WEE1: variants seen among roughly 807,000 people sequenced by gnomAD.
WEE1 encodes WEE1 G2 checkpoint kinase.
Under a neutral mutation model 68.8 loss-of-function variants are expected in WEE1, and 16 were observed. That is an observed-to-expected ratio of 0.23 (90% CI 0.16 to 0.35). The LOEUF (loss-of-function observed/expected upper bound fraction) is 0.35, where lower values mean the gene tolerates loss of function less well. Ranked by LOEUF, WEE1 falls within the 10% of genes least tolerant of loss-of-function variation. WEE1 has a pLI of 1.00. For synonymous variants in WEE1, 349 were observed against 318.7 expected (o/e 1.09, Z -1.01); for missense variants, 651 against 824.1 (o/e 0.79, Z 2.57).
At chr11:9,584,307 A>AT (rs1488176728) in intron 6 of WEE1, among the ~76,000 whole-genome samples, 1 of 151,854 alleles carries the variant, frequency 6.6e-6, no homozygotes, top group Admixed American at 6.6e-5. Flanking sequence ...AGCTATTTTA[A>AT]TTTTTTTCTT....
At chr11:9,577,033 C>A in intron 4 of WEE1, 109 bp from the exon 5 acceptor site, 1 of 1,272,784 alleles carries the variant, frequency 7.9e-7, no homozygotes, top group Non-Finnish European at 1.1e-6. Flanking sequence ...TGCTTTTTAG[C>A]ATAACAATAG....
rs1421847458 is a variant in WEE1, at chr11:9,574,203, G to C, written c.270G>C (p.Glu90Asp). The C allele has an allele frequency of 3.6e-5, 43 of 1,179,480 alleles. No individual in the cohort carries two copies. The highest frequency in any genetic ancestry group is 4.4e-5 in the Non-Finnish European group (42 of 954,658). The allele number at this position is 1,179,480 out of a possible 1,614,324, so 73.1% of individuals were successfully genotyped here. Reference sequence around the variant, plus strand: ...CCCCCGGCAGCCCCGGCGAGCTGGAGGAGGACCTGTTGCTGCCCGGCGCCT... The same window carrying C: ...CCCCCGGCAGCCCCGGCGAGCTGGACGAGGACCTGTTGCTGCCCGGCGCCT... ...GPAPGSPGEL[E>D]EDLLLPGACP... The change falls in exon 1 of 11, where the codon GAG (glutamate) becomes GAC (aspartate). Residue 90 changes from glutamate to aspartate, a missense_variant. Transcript: ENST00000450114. The surrounding 1 kb of genome is among the most constrained non-coding windows in gnomAD (Gnocchi z 4.9).
chr11:9,581,169 G>A, intron 5 of WEE1: 1 of 189,880 alleles, frequency 5.3e-6, no homozygotes, highest in Non-Finnish European at 1.1e-5. Context: ...GATCAAGCCT[G>A]TGAATAGCCA....
At position 9,585,431 on chromosome 11, in the gene WEE1, A is replaced by C; in HGVS notation, c.1385-11A>C. On this transcript the variant is annotated splice_polypyrimidine_tract_variant and intron_variant, in intron 7 of 10. Coordinates refer to ENST00000450114, the MANE Select transcript of WEE1 (RefSeq NM_003390.4). ...TTTTGCTCTTCACTGTAAGTTTTTC[A>C]ATACTTCTAGGTGATCTTGGGCATG... 6.2e-7 allele frequency: 1 copy of C among 1,609,216 alleles called. No individual in the cohort carries two copies. Among genetic ancestry groups the C allele is most frequent in the Non-Finnish European group, 8.5e-7 (1 of 1,178,332 alleles).
At chr11:9,577,718 T>C (rs141696145) in intron 5 of WEE1, 9 of 325,488 alleles carry the variant, frequency 2.8e-5, no homozygotes, top group African/African-American at 1.8e-4. Context: ...AAGCATTCTG[T>C]AGTCCGGCCC....
At chr11:9,583,802 C>CACACACAT (rs1295357946) in intron 6 of WEE1, among the ~76,000 whole-genome samples, 5 of 17,800 alleles carry the variant, frequency 2.8e-4, no homozygotes, top group Non-Finnish European at 5.0e-4. Context: ...CACACACACA[C>CACACACAT]ATATATATAT....
In WEE1 at chr11:9,576,742, A is replaced by ACTT; in HGVS notation, c.1019+83_1019+84insCTT. ...AAGGTTTCAGCTGGTCAAACACTGA[A>ACTT]TTCCATCTCTAACTTTTGAGAAGCT... On this transcript the variant is annotated intron_variant, in intron 4 of 10. Transcript: ENST00000450114. The surrounding 1 kb of genome is among the most constrained non-coding windows in gnomAD (Gnocchi z 4.3). The ACTT allele has an allele frequency of 7.2e-7, 1 of 1,388,624 alleles. No homozygotes were observed. Among genetic ancestry groups the ACTT allele is most frequent in the East Asian group, 2.3e-5 (1 of 42,950 alleles). 86.0% of individuals were successfully genotyped at this position (1,388,624 alleles called of 1,614,324 possible). A position where few individuals can be genotyped will look rare whatever the true frequency, so the allele number is the denominator to read the frequency against.
At chr11:9,582,297 C>T (rs2134349527) in intron 6 of WEE1, among the ~76,000 whole-genome samples, 1 of 152,342 alleles carries the variant, frequency 6.6e-6, no homozygotes, top group Admixed American at 6.5e-5. Flanking sequence ...ATACACTTAT[C>T]TTGCAAGCTA....
rs150127351 is a variant in WEE1 at position 9,576,084 on chromosome 11, A to G, written c.773A>G (p.Tyr258Cys). 6.2e-7 allele frequency: 1 copy of G among 1,614,146 alleles called. No homozygotes were observed. Among genetic ancestry groups the G allele is most frequent in the African/African-American group, 1.3e-5 (1 of 75,062 alleles). Reference sequence around the variant, plus strand: ...CAGTGTCGTCGTAGAAAGAGAACGTATTGGAATGAGTAAGTCGTTTATTTA... The same window carrying G: ...CAGTGTCGTCGTAGAAAGAGAACGTGTTGGAATGAGTAAGTCGTTTATTTA... ...SGQCRRRKRT[Y>C]WNDSCGEDME... Residue 258 changes from tyrosine to cysteine, a missense_variant, in exon 2 of 11, where the codon TAT becomes TGT. Physicochemically the swap from Tyr to Cys is radical, Grantham distance 194. This residue lies in a region of WEE1 where 395 missense variants were observed against 378.4 expected (regional missense o/e 1.04). Transcript: ENST00000450114. This position sits in a 1 kb window ranked among gnomAD's most constrained non-coding sequence, Gnocchi z 4.3.
At chr11:9,587,252 C>T (rs1849711168) in intron 10 of WEE1, among the ~76,000 whole-genome samples, 1 of 152,202 alleles carries the variant, frequency 6.6e-6, no homozygotes, top group Non-Finnish European at 1.5e-5. Flanking sequence ...TGAGCCACCT[C>T]ACCCGGCTCC....
chr11:9,587,782 GGTTAT>G (rs1007576731), intron 10 of WEE1, among the ~76,000 whole-genome samples: 1 of 151,890 alleles, frequency 6.6e-6, no homozygotes, highest in Non-Finnish European at 1.5e-5. Context: ...GACTTGAAAA[GGTTAT>G]GTTAACAATT....
intron 5 of WEE1, chr11:9,577,761 A>G: frequency 2.4e-6 from 1 of 412,836 alleles, no homozygotes; most frequent in Non-Finnish European, 4.8e-6. Context: ...TCTACCCTAG[A>G]ATCCACTAAC....
chr11:9,588,797 C>G lies in WEE1; in HGVS notation c.*195C>G. The G allele has an allele frequency of 8.3e-7, 1 of 1,198,256 alleles. No homozygotes were observed. 74.2% of individuals were successfully genotyped at this position (1,198,256 alleles called of 1,614,324 possible). On this transcript the variant is annotated 3_prime_UTR_variant, in exon 11 of 11. Coordinates refer to ENST00000450114, the MANE Select transcript of WEE1 (RefSeq NM_003390.4). The stretch of plus-strand genomic sequence containing the variant: ...CAGGCTTTCATCTAATCTTACCAGT[C>G]TGTCTTCTGTAGGATGTGTCACTGT...
rs1003315350 is a variant in WEE1, at chr11:9,574,170, C to T, written c.237C>T (p.Pro79=). 6.8e-6 allele frequency: 8 copies of T among 1,179,918 alleles called. No homozygotes were observed. The highest frequency in any genetic ancestry group is 4.2e-5 in the South Asian group (1 of 23,860). 73.1% of individuals were successfully genotyped at this position (1,179,918 alleles called of 1,614,324 possible). A position where few individuals can be genotyped will look rare whatever the true frequency, so the allele number is the denominator to read the frequency against. Residue 79 remains proline (P), a synonymous_variant, in exon 1 of 11, where the codon CCC becomes CCT. Coordinates refer to ENST00000450114, the MANE Select transcript of WEE1 (RefSeq NM_003390.4). The surrounding 1 kb of genome is among the most constrained non-coding windows in gnomAD (Gnocchi z 4.9). ...CCGGGCCCGAGCGCCGCCGCTCGCC[C>T]GGGCCGGCCCCCGGCAGCCCCGGCG... ...TEPGPERRRS[P]GPAPGSPGEL... is the part of the protein sequence containing the mutation.
rs1160953000 is a variant in WEE1 at position 9,581,289 on chromosome 11, CA to C, written c.1142-242del. On this transcript the variant is annotated intron_variant, in intron 5 of 10. Transcript: ENST00000450114. ...ATACTGGTTTACTCTGAGAAAGAAA[CA>C]GGTGGATTGCTGAGGTGTATGATTG... 1.7e-4 allele frequency: 67 copies of C among 396,026 alleles called. No individual in the cohort carries two copies. The East Asian group carries it at 2.6e-3, about 15-fold the overall frequency. 24.5% of individuals were successfully genotyped at this position (396,026 alleles called of 1,614,324 possible). A position where few individuals can be genotyped will look rare whatever the true frequency, so the allele number is the denominator to read the frequency against.
chr11:9,585,207 A>T (rs774011159), intron 6 of WEE1, 51 bp from the exon 7 acceptor site: 3 of 1,361,072 alleles, frequency 2.2e-6, no homozygotes, highest in Middle Eastern at 2.5e-4. Flanking sequence ...TTGTTTATGA[A>T]CTCTGGTTTT....
At chr11:9,585,984 T>C (rs1849695464) in intron 8 of WEE1, among the ~76,000 whole-genome samples, 1 of 152,228 alleles carries the variant, frequency 6.6e-6, no homozygotes, top group Non-Finnish European at 1.5e-5. Context: ...GTGACAGTAT[T>C]TCTTGATAAA....
rs1193146699 is a variant in WEE1 at position 9,576,360 on chromosome 11, A to G, written c.846+67A>G. 11 of 1,536,872 alleles carry G rather than the reference A, an allele frequency of 7.2e-6. No homozygotes were observed. The highest frequency in any genetic ancestry group is 8.8e-7 in the Non-Finnish European group (1 of 1,136,940). ...CTGCCACTTAAAGCATGCTATGAAT[A>G]TGTTAATAAGCATTAACACATAAGG... On this transcript the variant is annotated intron_variant, in intron 3 of 10. Coordinates refer to ENST00000450114, the MANE Select transcript of WEE1 (RefSeq NM_003390.4). This position sits in a 1 kb window ranked among gnomAD's most constrained non-coding sequence, Gnocchi z 4.3.
chr11:9,589,758 A>G lies in WEE1; in HGVS notation c.*1156A>G. On this transcript the variant is annotated 3_prime_UTR_variant, in exon 11 of 11. Coordinates refer to ENST00000450114, the MANE Select transcript of WEE1 (RefSeq NM_003390.4). ...TAAAAGTCACTCTGAGCTTACCTTA[A>G]TTGTCTAAATCCTTGTGATGCCTGT... 1 of 965,768 alleles carries G rather than the reference A, an allele frequency of 1.0e-6. No individual in the cohort carries two copies. The highest frequency in any genetic ancestry group is 1.2e-6 in the Non-Finnish European group (1 of 811,744). 59.8% of individuals were successfully genotyped at this position (965,768 alleles called of 1,614,324 possible).
Sources: allele counts gnomAD v4.1 joint callset (sites outside exome capture counted in the v4.1 genomes callset), GRCh38; gene constraint gnomAD v4.1.1; regional missense constraint gnomAD v4.1.1; non-coding constraint Gnocchi (gnomAD v3.1); transcripts MANE v1.5; gene names NCBI Gene and HGNC (gene_info 2026-07-23, HGNC 2026-07-21).